Variants in ANKHD1 observed in about 807,000 individuals in gnomAD.
ANKHD1 encodes the protein ankyrin repeat and KH domain containing 1.
Under a neutral mutation model 230.5 loss-of-function variants are expected in ANKHD1, and 31 were observed. The ratio of observed to expected loss-of-function variants is 0.13; its 90% confidence interval spans 0.10 to 0.18. The LOEUF (loss-of-function observed/expected upper bound fraction) is 0.18, where lower values mean the gene tolerates loss of function less well. Among genes scored for constraint, ANKHD1 ranks in the 10% least tolerant of loss-of-function variants. The pLI is 1.00. For missense variants in ANKHD1, 2,256 were observed against 3,071.3 expected, an observed-to-expected ratio of 0.73 and a Z score of 6.27; for synonymous variants, 1,074 against 1,117.6, an observed-to-expected ratio of 0.96 and a Z score of 0.78.
Position 140,402,128 on chromosome 5 carries a change from CG to C in ANKHD1, c.164del (p.Gly55GlufsTer30). On this transcript the variant is annotated frameshift_variant, in exon 1 of 34. Coordinates refer to ENST00000360839, the MANE Select transcript of ANKHD1 (RefSeq NM_017747.3). LOFTEE classifies it high-confidence loss of function. ...VRLFGEAGPA[S>X]GVGSSGGGGS... is the part of the protein sequence containing the mutation. ...CTCTTTGGGGAGGCCGGGCCAGCGT[CG>C]GGAGTCGGCAGCAGCGGCGGCGGCG... 6.5e-7 allele frequency: 1 copy of C among 1,543,668 alleles called. No individual in the cohort carries two copies.
intron 1 of ANKHD1, among the ~76,000 whole-genome samples, chr5:140,419,770 TTCTTTTTCTTTCTTTCTTTC>T (rs1771726497): frequency 7.1e-6 from 1 of 141,082 alleles, no homozygotes; most frequent in Non-Finnish European, 1.5e-5. Context: ...TCTCTTTCCT[TTCTTTTTCTTTCTTTCTTTC>T]TTTCTTTCTT....
At chr5:140,428,516 A>G (rs1487217755) in intron 1 of ANKHD1, among the ~76,000 whole-genome samples, 2 of 152,254 alleles carry the variant, frequency 1.3e-5, no homozygotes, top group East Asian at 1.9e-4. Context: ...CACGCCTGCA[A>G]TCGCAGGCAC....
At chr5:140,522,389 C>T (rs1289147850) in intron 24 of ANKHD1, among the ~76,000 whole-genome samples, 3 of 152,128 alleles carry the variant, frequency 2.0e-5, no homozygotes, top group Non-Finnish European at 4.4e-5. Context: ...CATTGGGTTG[C>T]TTCCACTTCT....
chr5:140,532,959 ATGG>A (rs1321876781), intron 29 of ANKHD1: 1 of 259,114 alleles, frequency 3.9e-6, no homozygotes, highest in Non-Finnish European at 7.9e-6. Context: ...TTAGCCAGGC[ATGG>A]TGGTGGGTGC....
intron 1 of ANKHD1, among the ~76,000 whole-genome samples, chr5:140,409,213 T>C (rs1362046819): frequency 6.6e-6 from 1 of 152,194 alleles, no homozygotes; most frequent in East Asian, 1.9e-4. Flanking sequence ...TCAGGACTTA[T>C]GCTTATAACC....
chr5:140,486,572 C>T (rs1751512272), intron 13 of ANKHD1: 1 of 153,444 alleles, frequency 6.5e-6, no homozygotes, highest in Admixed American at 6.5e-5. Context: ...AAACTGCTAG[C>T]ATACCCCAAT....
Position 140,401,933 on chromosome 5 carries a change from T to C in ANKHD1, c.-35T>C. On this transcript the variant is annotated 5_prime_UTR_variant, in exon 1 of 34. Coordinates refer to ENST00000360839, the MANE Select transcript of ANKHD1 (RefSeq NM_017747.3). ...GATCAGCGGCGGCGGTGACCGCGAG[T>C]GGGTCGGCACCGTCTCCGGCTCCGG... 1 of 1,530,300 alleles carries C rather than the reference T, an allele frequency of 6.5e-7. No individual in the cohort carries two copies. 94.8% of individuals were successfully genotyped at this position (1,530,300 alleles called of 1,614,324 possible). A position where few individuals can be genotyped will look rare whatever the true frequency, so the allele number is the denominator to read the frequency against.
At chr5:140,424,301 C>G (rs1397618539) in intron 1 of ANKHD1, among the ~76,000 whole-genome samples, 1 of 151,850 alleles carries the variant, frequency 6.6e-6, no homozygotes, top group Non-Finnish European at 1.5e-5. Context: ...ACGCACTCAT[C>G]TAGACAATAT....
intron 1 of ANKHD1, among the ~76,000 whole-genome samples, chr5:140,431,282 G>T (rs963637379): frequency 2.1e-4 from 32 of 152,008 alleles, no homozygotes; most frequent in Non-Finnish European, 2.9e-5. Context: ...AAGTATTGTG[G>T]ATATTTAAAA....
At position 140,529,127 on chromosome 5, in the gene ANKHD1, G is replaced by A; in HGVS notation, c.6181G>A (p.Ala2061Thr). ...TAGCTCTGCCAGCAACACCCCGGGAGCTCCAGAAACTCACCCATCCAGTAG... is the reference window on the plus strand; with the variant it reads ...TAGCTCTGCCAGCAACACCCCGGGAACTCCAGAAACTCACCCATCCAGTAG... The part of the protein sequence containing the change: ...CSSSASNTPG[A>T]PETHPSSSPT... The change falls in exon 29 of 34, where the codon GCT becomes ACT. Residue 2061 changes from alanine to threonine, a missense_variant. Physicochemically the swap from Ala to Thr is moderately conservative, Grantham distance 58 (BLOSUM62 0). Transcript: ENST00000360839. 6.2e-7 allele frequency: 1 copy of A among 1,614,066 alleles called. No individual in the cohort carries two copies. Among genetic ancestry groups the A allele is most frequent in the Non-Finnish European group, 8.5e-7 (1 of 1,180,006 alleles).
rs1753671156 is a variant in ANKHD1 at position 140,527,832 on chromosome 5, CATTT to C, written c.5088-39_5088-36del. On this transcript the variant is annotated intron_variant, in intron 27 of 33. Transcript: ENST00000360839. The surrounding 1 kb of genome is among the most constrained non-coding windows in gnomAD (Gnocchi z 4.5). ...TAAGACATCTTTCTTAATAAAGAGA[CATTT>C]AATTTCATAAGCTCATGTGTATTCT... is the stretch of plus-strand genomic sequence containing the variant. 1 of 1,571,090 alleles carries C rather than the reference CATTT, an allele frequency of 6.4e-7. No homozygotes were observed. The highest frequency in any genetic ancestry group is 8.6e-7 in the Non-Finnish European group (1 of 1,158,102).
chr5:140,414,544 A>G (rs1018941939), intron 1 of ANKHD1, among the ~76,000 whole-genome samples: 9 of 152,130 alleles, frequency 5.9e-5, no homozygotes, highest in African/African-American at 2.2e-4. Flanking sequence ...AAGAAATTGT[A>G]TTGCCGATTA....
chr5:140,427,300 G>A (rs1235033028), intron 1 of ANKHD1, among the ~76,000 whole-genome samples: 2 of 145,230 alleles, frequency 1.4e-5, no homozygotes, highest in Admixed American at 6.7e-5. Context: ...CCTCCCGGAC[G>A]GGGCGGCTGG....
chr5:140,538,623 C>T (rs1232048038), intron 32 of ANKHD1, among the ~76,000 whole-genome samples: 4 of 152,160 alleles, frequency 2.6e-5, no homozygotes, highest in Non-Finnish European at 5.9e-5. Context: ...TTAGCTCAAG[C>T]TTATTCATGA....
intron 9 of ANKHD1, among the ~76,000 whole-genome samples, chr5:140,461,740 A>G (rs552480354): frequency 2.9e-4 from 44 of 152,294 alleles, no homozygotes; most frequent in Admixed American, 4.6e-4. Flanking sequence ...TTACTTTTAT[A>G]AAAGTGTTAA....
At position 140,529,518 on chromosome 5, in the gene ANKHD1, T is replaced by C. The variant is rs1268697126; in HGVS notation, c.6572T>C (p.Met2191Thr). 6.2e-7 allele frequency: 1 copy of C among 1,614,238 alleles called. No homozygotes were observed. Among genetic ancestry groups the C allele is most frequent in the East Asian group, 2.2e-5 (1 of 44,890 alleles). Residue 2191 changes from methionine (M) to threonine (T), a missense_variant, in exon 29 of 34, where the codon ATG (methionine) becomes ACG (threonine). Coordinates refer to ENST00000360839, the MANE Select transcript of ANKHD1 (RefSeq NM_017747.3). Reference sequence around the variant, plus strand: ...GTGAACATTATGAATGGTTCTCAGATGCACATAAACCCAGCAAATAAGTCT... The same window carrying C: ...GTGAACATTATGAATGGTTCTCAGACGCACATAAACCCAGCAAATAAGTCT... Reference protein sequence around the residue: ...SAVNIMNGSQMHINPANKSLP... With the variant: ...SAVNIMNGSQTHINPANKSLP...
intron 25 of ANKHD1, chr5:140,524,931 T>C: frequency 3.0e-6 from 1 of 331,504 alleles, no homozygotes; most frequent in Non-Finnish European, 6.0e-6. Context: ...AAACCCCGTC[T>C]CTACTTAAAA....
chr5:140,415,275 C>A (rs1275790822), intron 1 of ANKHD1, among the ~76,000 whole-genome samples: 1 of 151,368 alleles, frequency 6.6e-6, no homozygotes, highest in African/African-American at 2.4e-5. Flanking sequence ...CCCAGCTACT[C>A]AGGAGGCTGA....
intron 15 of ANKHD1, among the ~76,000 whole-genome samples, chr5:140,503,101 A>G (rs1752374973): frequency 6.6e-6 from 1 of 152,224 alleles, no homozygotes. Context: ...GGATCTAGTC[A>G]TATCAAAAAT....
Sources: gnomAD v4.1 joint callset for allele counts (sites outside exome capture counted in the v4.1 genomes callset) on GRCh38, gnomAD v4.1.1 for gene constraint, Gnocchi (gnomAD v3.1) non-coding constraint, MANE v1.5 for transcripts, NCBI Gene and HGNC (gene_info 2026-07-23, HGNC 2026-07-21) for gene names.